Variants in AGL observed in about 807,000 individuals in gnomAD.
AGL encodes glycogen debranching enzyme.
Under a neutral mutation model 199.3 loss-of-function variants are expected in AGL, and 128 were observed. That is an observed-to-expected ratio of 0.64 (90% CI 0.56 to 0.74). The LOEUF (loss-of-function observed/expected upper bound fraction) is 0.74. AGL is among the 30% of genes least tolerant of loss of function. The pLI is 0.00. For synonymous variants in AGL, 584 were observed against 594.7 expected, an observed-to-expected ratio of 0.98 and a Z score of 0.26; for missense variants, 1,809 against 1,820.8, an observed-to-expected ratio of 0.99 and a Z score of 0.12.
chr1:99,880,879 A>G lies in AGL; in HGVS notation c.1899+84A>G, dbSNP rs1362034563. On this transcript the variant is annotated intron_variant, in intron 14 of 33. Coordinates refer to ENST00000361915, the MANE Select transcript of AGL (RefSeq NM_000642.3). ...CTGACACTTGGTCACAATCATACCCATATACTTCAAAATAGTGTCTTAGAT... is the reference window on the plus strand; with the variant it reads ...CTGACACTTGGTCACAATCATACCCGTATACTTCAAAATAGTGTCTTAGAT... 3 of 1,469,772 alleles carry G rather than the reference A, an allele frequency of 2.0e-6. No homozygotes were observed. The East Asian group carries it at 6.8e-5, about 33-fold the overall frequency. The allele number at this position is 1,469,772 out of a possible 1,614,324, so 91.0% of individuals were successfully genotyped here.
intron 17 of AGL, among the ~76,000 whole-genome samples, chr1:99,882,704 G>A (rs2100764020): frequency 6.6e-6 from 1 of 152,174 alleles, no homozygotes. Context: ...CTGGATAGGT[G>A]TATTTTATTG....
rs1655527579 is a variant in AGL, at chr1:99,921,755, T to C, written c.*104T>C. The C allele has an allele frequency of 2.7e-6, 2 of 735,774 alleles. No individual in the cohort carries two copies. Among genetic ancestry groups the C allele is most frequent in the Non-Finnish European group, 4.5e-6 (2 of 441,636 alleles). The allele number at this position is 735,774 out of a possible 1,614,324, so 45.6% of individuals were successfully genotyped here. A position where few individuals can be genotyped will look rare whatever the true frequency, so the allele number is the denominator to read the frequency against. The stretch of plus-strand genomic sequence containing the variant: ...GGCTCAAGTTGTTTTAAAAATCTCA[T>C]TTATTATAATATTGATGCTCAATTA... On this transcript the variant is annotated 3_prime_UTR_variant, in exon 34 of 34. Coordinates refer to ENST00000361915, the MANE Select transcript of AGL (RefSeq NM_000642.3).
chr1:99,870,207 A>G (rs1650873009), intron 5 of AGL, among the ~76,000 whole-genome samples, 193 bp from the exon 6 acceptor site: 1 of 152,180 alleles, frequency 6.6e-6, no homozygotes, highest in Non-Finnish European at 1.5e-5. Flanking sequence ...AAAAAAAAGT[A>G]TGCTGAAGCG....
intron 8 of AGL, 105 bp from the exon 9 acceptor site, chr1:99,875,049 C>T (rs945842812): frequency 2.7e-6 from 3 of 1,124,174 alleles, no homozygotes; most frequent in African/African-American, 1.6e-5. Flanking sequence ...AATTGAAATC[C>T]CGATGAATAT....
chr1:99,881,721 T>G (rs1360494775), intron 17 of AGL, 30 bp downstream of exon 17: 9 of 1,555,760 alleles, frequency 5.8e-6, no homozygotes, highest in Non-Finnish European at 7.9e-6. Context: ...GTTACTGTAT[T>G]TGTATTATAT....
At chr1:99,880,878 CAT>C in intron 14 of AGL, 83 bp downstream of exon 14, 1 of 1,468,762 alleles carries the variant, frequency 6.8e-7, no homozygotes, top group Non-Finnish European at 9.5e-7. Flanking sequence ...CAATCATACC[CAT>C]ATACTTCAAA....
Position 99,876,590 on chromosome 1 carries a change from T to G in AGL, c.1416T>G (p.Ala472=), listed in dbSNP as rs765766800. The change falls in exon 11 of 34, where the codon GCT becomes GCG. Residue 472 remains alanine (A), a synonymous_variant. Coordinates refer to ENST00000361915, the MANE Select transcript of AGL (RefSeq NM_000642.3). ...GAGATGATCCTCTTCGAAACTTTGC[T>G]GAACCGGGTATGTAATTTTTAACTT... ...VMGDDPLRNF[A]EPGSEVYLRR... 1.2e-6 allele frequency: 2 copies of G among 1,613,944 alleles called. No individual in the cohort carries two copies. The highest frequency in any genetic ancestry group is 8.5e-7 in the Non-Finnish European group (1 of 1,179,980).
chr1:99,857,877 TTC>T (rs987449424), intron 2 of AGL, among the ~76,000 whole-genome samples: 2 of 121,118 alleles, frequency 1.7e-5, no homozygotes, highest in East Asian at 2.6e-4. Context: ...CTCTTTTCTT[TTC>T]TCTCTACCTG....
chr1:99,887,953 G>A (rs372540354), intron 20 of AGL, 25 bp from the exon 21 acceptor site: 2 of 1,611,736 alleles, frequency 1.2e-6, no homozygotes, highest in African/African-American at 1.3e-5. Context: ...TCAATATATG[G>A]TTATCTTTAT....
intron 25 of AGL, among the ~76,000 whole-genome samples, chr1:99,899,529 T>TC (rs530666516): frequency 2.9e-3 from 399 of 137,436 alleles, no homozygotes; most frequent in African/African-American, 8.4e-3. Context: ...TCTCTCTCTC[T>TC]TTCTCTCTCT....
intron 21 of AGL, 65 bp downstream of exon 21, chr1:99,888,173 A>G: frequency 6.3e-7 from 1 of 1,593,628 alleles, no homozygotes; most frequent in Non-Finnish European, 8.5e-7. Context: ...TGTCTTCTTT[A>G]CAGACATAGA....
chr1:99,866,285 T>C (rs1650503209), intron 5 of AGL, among the ~76,000 whole-genome samples: 1 of 152,188 alleles, frequency 6.6e-6, no homozygotes, highest in Non-Finnish European at 1.5e-5. Context: ...GACTAAAGGC[T>C]AAAATTGTAT....
At chr1:99,868,092 T>C (rs777762454) in intron 5 of AGL, among the ~76,000 whole-genome samples, 16 of 152,202 alleles carry the variant, frequency 1.1e-4, no homozygotes, top group Non-Finnish European at 2.1e-4. Flanking sequence ...AGTTAAATTG[T>C]TTTGCTAGGG....
Position 99,910,842 on chromosome 1 carries a change from A to T in AGL, c.3831A>T (p.Thr1277=). ...DRARNRGIPA[T]PRDGSAVEIV... is the part of the protein sequence containing the mutation. ...CTAGAAACAGAGGAATCCCAGCCAC[A>T]CCAAGGTAGTGTAAATGTTATAATG... Residue 1277 remains threonine, a synonymous_variant, in exon 28 of 34, where the codon ACA becomes ACT. Coordinates refer to ENST00000361915, the MANE Select transcript of AGL (RefSeq NM_000642.3). The T allele has an allele frequency of 6.2e-7, 1 of 1,612,750 alleles. No individual in the cohort carries two copies. Among genetic ancestry groups the T allele is most frequent in the Non-Finnish European group, 8.5e-7 (1 of 1,179,130 alleles).
At chr1:99,870,649 G>T in intron 6 of AGL, 68 bp downstream of exon 6, 1 of 1,553,974 alleles carries the variant, frequency 6.4e-7, no homozygotes, top group South Asian at 1.1e-5. Flanking sequence ...TAAATATATG[G>T]TTGAAAATTA....
rs147028831 is a variant in AGL, at chr1:99,879,110, A to G, written c.1612-813A>G. On this transcript the variant is annotated intron_variant, in intron 12 of 33. Transcript: ENST00000361915. ...CACCAGTGTTAAACGTAAATCACAC[A>G]AGTGGAAATTGTAAGGTGTAAGAGT... Among the ~76,000 whole-genome samples the G allele has an allele frequency of 4.6e-3, 700 of 152,330 alleles. 22 individuals are homozygous for G. Among genetic ancestry groups the G allele is most frequent in the East Asian group, 0.042 (217 of 5,188 alleles).
At position 99,919,989 on chromosome 1, in the gene AGL, C is replaced by G. The variant is rs552016966; in HGVS notation, c.4482-1545C>G. ...GGTCACCTACCTTGCTCTGTCCCACCTAATGACTTCAGGATGAATTTTTCA... is the reference window on the plus strand; with the variant it reads ...GGTCACCTACCTTGCTCTGTCCCACGTAATGACTTCAGGATGAATTTTTCA... On this transcript the variant is annotated intron_variant, in intron 33 of 33. Transcript: ENST00000361915. 1.2e-3 allele frequency among the ~76,000 whole-genome samples: 181 copies of G among 152,298 alleles called. 4 individuals are homozygous for G. The highest frequency in any genetic ancestry group is 2.5e-4 in the Non-Finnish European group (17 of 68,020).
In AGL at chr1:99,913,622, A is replaced by G. The variant is rs1260564836; in HGVS notation, c.4045A>G (p.Asn1349Asp). The G allele has an allele frequency of 1.9e-6, 3 of 1,614,014 alleles. No individual in the cohort carries two copies. The South Asian group carries it at 3.3e-5, about 18-fold the overall frequency. Reference protein sequence around the residue: ...FHVSEDPSDLNEKHPNLVHKR... With the variant: ...FHVSEDPSDLDEKHPNLVHKR... ...TGTTTCCGAAGACCCTTCAGATTTA[A>G]ATGAAAAGCATCCAAATCTGGTTCA... is the stretch of plus-strand genomic sequence containing the variant. Residue 1349 changes from asparagine (N) to aspartate (D), a missense_variant, in exon 30 of 34, where the codon AAT becomes GAT. Transcript: ENST00000361915.
chr1:99,872,471 A>T (rs1452217363), intron 7 of AGL, among the ~76,000 whole-genome samples: 1 of 152,272 alleles, frequency 6.6e-6, no homozygotes, highest in East Asian at 1.9e-4. Context: ...CTAACATTAG[A>T]TATCATTAAC....
Sources: allele counts gnomAD v4.1 joint callset (sites outside exome capture counted in the v4.1 genomes callset), GRCh38; gene constraint gnomAD v4.1.1; transcripts MANE v1.5; gene names NCBI Gene and HGNC (gene_info 2026-07-23, HGNC 2026-07-21).